Variants in FILIP1L observed in about 807,000 individuals in gnomAD.
FILIP1L encodes filamin A-interacting protein 1-like.
FILIP1L carries 55 observed loss-of-function variants against 96.6 expected under a neutral mutation model. That is an observed-to-expected ratio of 0.57 (90% CI 0.46 to 0.71). The LOEUF (loss-of-function observed/expected upper bound fraction) is 0.71. FILIP1L is among the 30% of genes least tolerant of loss of function. FILIP1L has a pLI of 0.00. For missense variants in FILIP1L, 1,304 were observed against 1,321.2 expected (o/e 0.99, Z 0.20); for synonymous variants, 467 against 473.9 (o/e 0.99, Z 0.19).
chr3:100,068,571 TAGTATATGTATC>T (rs2065706860), intron 1 of FILIP1L, among the ~76,000 whole-genome samples: 1 of 152,202 alleles, frequency 6.6e-6, no homozygotes, highest in South Asian at 2.1e-4. Context: ...ATATAATACA[TAGTATATGTATC>T]AGTTTACTTT....
At chr3:99,871,277 G>A (rs538823193) in intron 4 of FILIP1L, among the ~76,000 whole-genome samples, 1 of 152,204 alleles carries the variant, frequency 6.6e-6, no homozygotes, top group East Asian at 1.9e-4. Flanking sequence ...CTAGAAGAAG[G>A]GGCCCTCCAC....
Position 99,881,221 on chromosome 3 carries a change from G to A in FILIP1L, c.606-30151C>T, listed in dbSNP as rs1370662746. Among the ~76,000 whole-genome samples the A allele has an allele frequency of 3.9e-5, 6 of 152,258 alleles. No homozygotes were observed. The East Asian group carries it at 1.2e-3, about 29-fold the overall frequency. Reference sequence around the variant, plus strand: ...ATGACTTAGAAAGAATGAAGAATTGGTAATGTGACGCCACTGTAAGATTAT... The same window carrying A: ...ATGACTTAGAAAGAATGAAGAATTGATAATGTGACGCCACTGTAAGATTAT... On this transcript the variant is annotated intron_variant, in intron 4 of 5. Coordinates refer to ENST00000477258, the MANE Select transcript of FILIP1L (RefSeq NM_001387850.1).
At chr3:100,087,128 GT>G (rs750717246) in intron 1 of FILIP1L, among the ~76,000 whole-genome samples, 2 of 152,196 alleles carry the variant, frequency 1.3e-5, no homozygotes, top group Non-Finnish European at 2.9e-5. Flanking sequence ...TTTATTTTCT[GT>G]TTGGGGCAAT....
At chr3:99,908,683 T>C (rs1706697734) in intron 4 of FILIP1L, among the ~76,000 whole-genome samples, 1 of 152,218 alleles carries the variant, frequency 6.6e-6, no homozygotes, top group African/African-American at 2.4e-5. Flanking sequence ...TATTACCTCC[T>C]TTAAAAGGTT....
chr3:100,069,855 C>CCTGGCG (rs965860011), intron 1 of FILIP1L, among the ~76,000 whole-genome samples: 9 of 151,940 alleles, frequency 5.9e-5, no homozygotes, highest in African/African-American at 2.2e-4. Context: ...TGATATCTAC[C>CCTGGCG]CTGGATATGA....
intron 1 of FILIP1L, among the ~76,000 whole-genome samples, chr3:100,045,909 A>C (rs2065271721): frequency 6.6e-6 from 1 of 151,880 alleles, no homozygotes; most frequent in Admixed American, 6.6e-5. Flanking sequence ...CGCAGGGATG[A>C]GGTCACTGGG....
chr3:99,923,203 A>G (rs887045865), intron 4 of FILIP1L, among the ~76,000 whole-genome samples: 1 of 151,366 alleles, frequency 6.6e-6, no homozygotes, highest in Non-Finnish European at 1.5e-5. Flanking sequence ...CCACACCAAC[A>G]CCCACAGTTT....
intron 1 of FILIP1L, among the ~76,000 whole-genome samples, chr3:99,972,515 C>T (rs1047681996): frequency 4.6e-5 from 7 of 152,186 alleles, no homozygotes; most frequent in African/African-American, 7.2e-5. Flanking sequence ...ATTGGTGACA[C>T]GGCCTCATTT....
chr3:99,894,849 G>C (rs1706198193), intron 4 of FILIP1L, among the ~76,000 whole-genome samples: 1 of 152,190 alleles, frequency 6.6e-6, no homozygotes, highest in African/African-American at 2.4e-5. Flanking sequence ...GTACGGAGTA[G>C]AGAACAATAT....
intron 4 of FILIP1L, among the ~76,000 whole-genome samples, chr3:99,853,968 G>A (rs557087875): frequency 3.3e-5 from 5 of 152,190 alleles, no homozygotes; most frequent in Non-Finnish European, 4.4e-5. Flanking sequence ...AGTTGCTTGC[G>A]TGTAATGCTG....
intron 1 of FILIP1L, among the ~76,000 whole-genome samples, chr3:99,954,111 C>T (rs1708252867): frequency 6.6e-6 from 1 of 152,230 alleles, no homozygotes; most frequent in Non-Finnish European, 1.5e-5. Flanking sequence ...TGTATGAGGG[C>T]TCATCTCACT....
At chr3:99,868,438 A>G (rs150986571) in intron 4 of FILIP1L, among the ~76,000 whole-genome samples, 1,715 of 152,298 alleles carry the variant, frequency 0.011, 18 homozygotes, top group African/African-American at 0.025. Flanking sequence ...ATGTCAGCCC[A>G]GCAGCACCAG....
At chr3:99,866,813 T>TA (rs1404349210) in intron 4 of FILIP1L, among the ~76,000 whole-genome samples, 2 of 152,214 alleles carry the variant, frequency 1.3e-5, no homozygotes, top group African/African-American at 4.8e-5. Flanking sequence ...CATCTCTAAT[T>TA]ACAGACAGGT....
At chr3:100,083,995 C>T (rs1329602518) in intron 1 of FILIP1L, among the ~76,000 whole-genome samples, 1 of 152,120 alleles carries the variant, frequency 6.6e-6, no homozygotes, top group Admixed American at 6.6e-5. Flanking sequence ...AAGAATATTT[C>T]TCCGTTATAG....
intron 4 of FILIP1L, among the ~76,000 whole-genome samples, chr3:99,922,669 G>T (rs1042796438): frequency 1.3e-5 from 2 of 152,194 alleles, no homozygotes; most frequent in African/African-American, 4.8e-5. Context: ...CATCTTTTCA[G>T]TATCAATAGA....
chr3:99,845,374 G>C lies in FILIP1L; in HGVS notation c.3381+2921C>G, dbSNP rs78265257. Among the ~76,000 whole-genome samples, 691 of 152,250 alleles carry C rather than the reference G, an allele frequency of 4.5e-3. 2 individuals are homozygous for C. The highest frequency in any genetic ancestry group is 6.8e-3 in the South Asian group (33 of 4,822). ...GGGAATGTGAGTAAAATGAAACTTCGTTCTGAAGCGAGGACTTAGACCAAT... is the reference window on the plus strand; with the variant it reads ...GGGAATGTGAGTAAAATGAAACTTCCTTCTGAAGCGAGGACTTAGACCAAT... On this transcript the variant is annotated intron_variant, in intron 5 of 5. Transcript: ENST00000477258.
chr3:100,005,236 TTTTC>T (rs1359376204), intron 1 of FILIP1L, among the ~76,000 whole-genome samples: 2 of 152,242 alleles, frequency 1.3e-5, no homozygotes, highest in Non-Finnish European at 2.9e-5. Context: ...TTGGTGATAA[TTTTC>T]TTTTTCTCAG....
chr3:99,917,324 T>A (rs527976852), intron 4 of FILIP1L, among the ~76,000 whole-genome samples: 1 of 152,340 alleles, frequency 6.6e-6, no homozygotes, highest in East Asian at 1.9e-4. Flanking sequence ...GAGTGCCTTG[T>A]CTTTTCACCT....
At chr3:99,834,597 A>T (rs906541339) in intron 5 of FILIP1L, among the ~76,000 whole-genome samples, 2 of 152,094 alleles carry the variant, frequency 1.3e-5, no homozygotes, top group Non-Finnish European at 2.9e-5. Context: ...TGTCTTCCTC[A>T]TTTGTTCTCT....
Sources: allele counts gnomAD v4.1 joint callset (sites outside exome capture counted in the v4.1 genomes callset), GRCh38; gene constraint gnomAD v4.1.1; transcripts MANE v1.5; gene names NCBI Gene and HGNC (gene_info 2026-07-23, HGNC 2026-07-21).